Variants in MDGA2 observed in about 807,000 individuals in gnomAD.
MDGA2 encodes the protein MAM domain-containing glycosylphosphatidylinositol anchor protein 2.
In MDGA2, 40 loss-of-function variants were observed where a neutral mutation model predicts 117.8. The observed-to-expected ratio is 0.34, with a 90% CI of 0.26 to 0.44. The LOEUF (loss-of-function observed/expected upper bound fraction) is 0.44, where lower values mean the gene tolerates loss of function less well. MDGA2 is among the 20% of genes least tolerant of loss of function. The pLI is 1.00. For missense variants in MDGA2, 1,123 were observed against 1,250.6 expected, an observed-to-expected ratio of 0.90 and a Z score of 1.54; for synonymous variants, 452 against 439.0, an observed-to-expected ratio of 1.03 and a Z score of -0.37.
intron 3 of MDGA2, among the ~76,000 whole-genome samples, chr14:47,188,016 AAT>A (rs1884973637): frequency 6.6e-6 from 1 of 152,082 alleles, no homozygotes; most frequent in Non-Finnish European, 1.5e-5. Flanking sequence ...TGAATGTAAA[AAT>A]AGTCTAAAGG....
intron 8 of MDGA2, among the ~76,000 whole-genome samples, chr14:46,969,631 T>C (rs1272532753): frequency 6.6e-6 from 1 of 152,004 alleles, no homozygotes; most frequent in African/African-American, 2.4e-5. Flanking sequence ...TTTGAGTTCA[T>C]TGTAGATTCT....
chr14:46,947,619 T>G (rs1006727528), intron 9 of MDGA2, among the ~76,000 whole-genome samples: 1 of 151,794 alleles, frequency 6.6e-6, no homozygotes, highest in Non-Finnish European at 1.5e-5. Flanking sequence ...AAAAGAGGAG[T>G]TCCCCTGCAC....
chr14:47,101,304 T>C (rs1185698343), intron 5 of MDGA2, among the ~76,000 whole-genome samples: 2 of 152,182 alleles, frequency 1.3e-5, no homozygotes, highest in African/African-American at 2.4e-5. Flanking sequence ...ACATAGAAAG[T>C]ATATTTTAGA....
intron 1 of MDGA2, among the ~76,000 whole-genome samples, chr14:47,593,805 C>T (rs1311137049): frequency 6.6e-6 from 1 of 152,072 alleles, no homozygotes; most frequent in Admixed American, 6.6e-5. Flanking sequence ...CTGATCTGTG[C>T]AGCAAACCAC....
chr14:47,447,110 C>G (rs991825516), intron 1 of MDGA2, among the ~76,000 whole-genome samples: 1 of 152,146 alleles, frequency 6.6e-6, no homozygotes, highest in Non-Finnish European at 1.5e-5. Flanking sequence ...CTTCTTGATA[C>G]TAAAATAGCT....
At chr14:47,296,072 C>A (rs1009700625) in intron 2 of MDGA2, among the ~76,000 whole-genome samples, 1 of 152,114 alleles carries the variant, frequency 6.6e-6, no homozygotes, top group Admixed American at 6.5e-5. Context: ...CTAAAAATAT[C>A]ATTTTGAAGC....
At chr14:47,218,270 T>C in intron 2 of MDGA2, 75 bp from the exon 3 acceptor site, 1 of 1,294,862 alleles carries the variant, frequency 7.7e-7, no homozygotes, top group Non-Finnish European at 1.0e-6. Context: ...ATCACTCATT[T>C]GAAGAGTTTG....
chr14:46,938,128 A>C (rs1257626619), intron 9 of MDGA2, among the ~76,000 whole-genome samples: 1 of 152,182 alleles, frequency 6.6e-6, no homozygotes, highest in Admixed American at 6.5e-5. Flanking sequence ...TAATTTTTTA[A>C]ATGGGCTAAT....
rs1888794254 is a variant in MDGA2, at chr14:47,035,038, C to T, written c.1792G>A (p.Glu598Lys). 12 of 1,613,798 alleles carry T rather than the reference C, an allele frequency of 7.4e-6. No homozygotes were observed. The highest frequency in any genetic ancestry group is 8.5e-6 in the Non-Finnish European group (10 of 1,179,864). ...TGAACGATGAGCTGCACCAAGGCTT[C>T]CCTTGGTTTCACGTTAAATCCATTG... ...QYNGFNVKPR[E>K]ALVQLIVQYP... Residue 598 changes from glutamate (E) to lysine (K), a missense_variant, in exon 8 of 17, where the codon GAA (glutamate) becomes AAA (lysine). By Grantham distance (56) the Glu-to-Lys change is moderately conservative. Around this residue, in one of 2 missense-constraint regions of MDGA2, gnomAD observed 890 missense variants for 1,050.3 expected, o/e 0.85. Coordinates refer to ENST00000399232, the MANE Select transcript of MDGA2 (RefSeq NM_001113498.3).
chr14:47,287,192 C>T (rs953815181), intron 2 of MDGA2, among the ~76,000 whole-genome samples: 2 of 151,944 alleles, frequency 1.3e-5, no homozygotes, highest in East Asian at 3.9e-4. Context: ...CTCATTCACT[C>T]CCCCAAACAG....
intron 2 of MDGA2, among the ~76,000 whole-genome samples, chr14:47,285,254 T>A (rs1888632318): frequency 6.6e-6 from 1 of 152,186 alleles, no homozygotes; most frequent in South Asian, 2.1e-4. Flanking sequence ...CAAAATTAAC[T>A]ATGGCTAGTT....
At chr14:46,996,205 T>C (rs978567936) in intron 8 of MDGA2, among the ~76,000 whole-genome samples, 2 of 152,196 alleles carry the variant, frequency 1.3e-5, no homozygotes, top group African/African-American at 4.8e-5. Context: ...TTTCTGCTGA[T>C]AGGAAATTAA....
chr14:47,642,686 C>G (rs1026114568), intron 1 of MDGA2, among the ~76,000 whole-genome samples: 3 of 151,980 alleles, frequency 2.0e-5, no homozygotes, highest in Admixed American at 6.6e-5. Flanking sequence ...CTATCCATCT[C>G]TAGATGATAA....
chr14:47,192,072 T>C (rs963197307), intron 3 of MDGA2, among the ~76,000 whole-genome samples: 35 of 152,086 alleles, frequency 2.3e-4, no homozygotes, highest in Admixed American at 2.0e-4. Flanking sequence ...GTGCAGACAA[T>C]AAGAACTTTC....
intron 1 of MDGA2, among the ~76,000 whole-genome samples, chr14:47,501,416 C>T (rs751802386): frequency 6.6e-6 from 1 of 152,044 alleles, no homozygotes; most frequent in African/African-American, 2.4e-5. Flanking sequence ...ATCAAGGAAA[C>T]CTGAATAAGA....
chr14:47,342,642 A>T (rs1213964666), intron 1 of MDGA2, among the ~76,000 whole-genome samples: 1 of 152,194 alleles, frequency 6.6e-6, no homozygotes. Flanking sequence ...ATTCCAGCAC[A>T]GCATAGAAAT....
chr14:47,006,596 G>A (rs1210382957), intron 8 of MDGA2, among the ~76,000 whole-genome samples: 1 of 151,132 alleles, frequency 6.6e-6, no homozygotes, highest in Admixed American at 6.6e-5. Flanking sequence ...TGTACAATAA[G>A]AAAAGGAAAA....
At chr14:47,395,944 G>A (rs933281000) in intron 1 of MDGA2, among the ~76,000 whole-genome samples, 10 of 152,014 alleles carry the variant, frequency 6.6e-5, no homozygotes, top group East Asian at 3.9e-4. Flanking sequence ...ATTTACTTTC[G>A]TGTGTAGCAA....
chr14:47,423,267 G>T (rs969153128), intron 1 of MDGA2, among the ~76,000 whole-genome samples: 1 of 152,132 alleles, frequency 6.6e-6, no homozygotes, highest in African/African-American at 2.4e-5. Context: ...TTTGCAAAAT[G>T]TTTTAAATTC....
Sources: allele counts gnomAD v4.1 joint callset (sites outside exome capture counted in the v4.1 genomes callset), GRCh38; gene constraint gnomAD v4.1.1; regional missense constraint gnomAD v4.1.1; transcripts MANE v1.5; gene names NCBI Gene and HGNC (gene_info 2026-07-23, HGNC 2026-07-21).